The following SLAMF7 variants were observed in gnomAD, a reference collection of about 807,000 sequenced individuals.
SLAMF7 encodes the protein SLAM family member 7, also known as 19A24 protein.
In SLAMF7, 26 loss-of-function variants were observed where a neutral mutation model predicts 34.1. The observed-to-expected ratio is 0.76, with a 90% CI of 0.56 to 1.06. The LOEUF (loss-of-function observed/expected upper bound fraction) is 1.06. Among genes scored for constraint, SLAMF7 ranks in the 50% least tolerant of loss-of-function variants. The probability of loss-of-function intolerance (pLI) is 0.00; values close to 1 mark genes in which losing one functional copy is unlikely to be tolerated. For synonymous variants in SLAMF7, 171 were observed against 156.4 expected (o/e 1.09, Z -0.70); for missense variants, 399 against 402.5 (o/e 0.99, Z 0.07).
chr1:160,742,516 C>T (rs537207821), intron 1 of SLAMF7, among the ~76,000 whole-genome samples: 12 of 152,332 alleles, frequency 7.9e-5, no homozygotes, highest in African/African-American at 2.9e-4. Flanking sequence ...GACTCTCATG[C>T]TCTCATTTCC....
chr1:160,750,119 G>C lies in SLAMF7; in HGVS notation c.649+26G>C, dbSNP rs777815560. 8 of 1,608,998 alleles carry C rather than the reference G, an allele frequency of 5.0e-6. No individual in the cohort carries two copies. The South Asian group carries it at 8.8e-5, about 18-fold the overall frequency. On this transcript the variant is annotated intron_variant, in intron 3 of 6. Coordinates refer to ENST00000368043, the MANE Select transcript of SLAMF7 (RefSeq NM_021181.5). ...GTGACTGCCTCTCCCCTCTCCACAGGAGACTCTGCCCAGGTCCTACACCTT... is the reference window on the plus strand; with the variant it reads ...GTGACTGCCTCTCCCCTCTCCACAGCAGACTCTGCCCAGGTCCTACACCTT...
intron 1 of SLAMF7, among the ~76,000 whole-genome samples, chr1:160,741,709 C>T (rs12022775): frequency 0.12 from 17,521 of 152,202 alleles, 1,241 homozygotes; most frequent in African/African-American, 0.19. Flanking sequence ...AAACCTCCTC[C>T]TGAGCTCCCA....
chr1:160,748,251 C>A lies in SLAMF7; in HGVS notation c.113C>A (p.Thr38Asn), dbSNP rs770711601. The change falls in exon 2 of 7, where the codon ACT becomes AAT. Residue 38 changes from threonine (T) to asparagine (N), a missense_variant. Transcript: ENST00000368043. ...GTCGGTTCCGTTGGTGGGGCCGTGA[C>A]TTTCCCCCTGAAGTCCAAAGTAAAG... is the stretch of plus-strand genomic sequence containing the variant. ...ELVGSVGGAV[T>N]FPLKSKVKQV... 6.2e-7 allele frequency: 1 copy of A among 1,613,982 alleles called. No homozygotes were observed. The highest frequency in any genetic ancestry group is 1.3e-5 in the African/African-American group (1 of 74,902).
chr1:160,749,970 A>C lies in SLAMF7; in HGVS notation c.526A>C (p.Asn176His). The C allele has an allele frequency of 6.2e-7, 1 of 1,614,104 alleles. No homozygotes were observed. Among genetic ancestry groups the C allele is most frequent in the Non-Finnish European group, 8.5e-7 (1 of 1,179,960 alleles). ...ALGQAANESH[N>H]GSILPISWRW... ...GGGGCAAGCAGCCAATGAGTCCCAT[A>C]ATGGGTCCATCCTCCCCATCTCCTG... The change falls in exon 3 of 7, where the codon AAT (asparagine) becomes CAT (histidine). Residue 176 changes from asparagine (N) to histidine (H), a missense_variant. Physicochemically the swap from Asn to His is moderately conservative, Grantham distance 68. Transcript: ENST00000368043.
At chr1:160,741,524 A>G (rs1040308435) in intron 1 of SLAMF7, among the ~76,000 whole-genome samples, 2 of 152,172 alleles carry the variant, frequency 1.3e-5, no homozygotes, top group African/African-American at 4.8e-5. Flanking sequence ...GACTTGAGTA[A>G]AGTGCAATAG....
chr1:160,744,800 C>G (rs1179995409), intron 1 of SLAMF7, among the ~76,000 whole-genome samples: 2 of 152,136 alleles, frequency 1.3e-5, no homozygotes, highest in African/African-American at 4.8e-5. Flanking sequence ...TAAGATTCAC[C>G]CCTTTCATCT....
chr1:160,741,662 G>A (rs1222176129), intron 1 of SLAMF7, among the ~76,000 whole-genome samples: 1 of 152,020 alleles, frequency 6.6e-6, no homozygotes, highest in Non-Finnish European at 1.5e-5. Flanking sequence ...CCTAACGGAA[G>A]CAAGTCCCAT....
intron 1 of SLAMF7, among the ~76,000 whole-genome samples, chr1:160,747,829 T>C (rs183246445): frequency 2.6e-4 from 39 of 152,356 alleles, no homozygotes; most frequent in Non-Finnish European, 4.8e-4. Context: ...TAAGATGACT[T>C]ACTCCCCACA....
At chr1:160,749,208 T>G (rs972418399) in intron 2 of SLAMF7, among the ~76,000 whole-genome samples, 1 of 152,222 alleles carries the variant, frequency 6.6e-6, no homozygotes, top group Admixed American at 6.5e-5. Context: ...ACAGAAGATA[T>G]GTATTCTGCA....
chr1:160,753,008 A>G, intron 6 of SLAMF7, 98 bp from the exon 7 acceptor site: 1 of 1,138,262 alleles, frequency 8.8e-7, no homozygotes. Flanking sequence ...TGGGTTGGGT[A>G]ACCTTGGAAA....
chr1:160,739,470 C>A, intron 1 of SLAMF7, 114 bp downstream of exon 1: 2 of 843,460 alleles, frequency 2.4e-6, no homozygotes, highest in Non-Finnish European at 3.8e-6. Context: ...GTGTTCTCAT[C>A]TAACATTTGC....
Position 160,753,425 on chromosome 1 carries a change from GT to G in SLAMF7, c.*249del. The G allele has an allele frequency of 1.9e-6, 1 of 513,546 alleles. No homozygotes were observed. The highest frequency in any genetic ancestry group is 3.5e-6 in the Non-Finnish European group (1 of 288,832). The allele number at this position is 513,546 out of a possible 1,614,324, so 31.8% of individuals were successfully genotyped here. A position where few individuals can be genotyped will look rare whatever the true frequency, so the allele number is the denominator to read the frequency against. Reference sequence around the variant, plus strand: ...TCATCCCAAAAATGGGATTGTGAATGTCAGCAAACCATAAAAAAAGTGCTTA... The same window carrying G: ...TCATCCCAAAAATGGGATTGTGAATGCAGCAAACCATAAAAAAAGTGCTTA... On this transcript the variant is annotated 3_prime_UTR_variant, in exon 7 of 7. Transcript: ENST00000368043.
intron 1 of SLAMF7, among the ~76,000 whole-genome samples, chr1:160,745,962 A>G (rs1351435298): frequency 6.6e-6 from 1 of 152,184 alleles, no homozygotes; most frequent in African/African-American, 2.4e-5. Context: ...TAATGAAGCA[A>G]TTTTTGATAT....
rs773008762 is a variant in SLAMF7 at position 160,749,926 on chromosome 1, T to C, written c.482T>C (p.Ile161Thr). Residue 161 changes from isoleucine (I) to threonine (T), a missense_variant, in exon 3 of 7, where the codon ATT becomes ACT. Coordinates refer to ENST00000368043, the MANE Select transcript of SLAMF7 (RefSeq NM_021181.5). The stretch of plus-strand genomic sequence containing the variant: ...ATGGAACATGGGGAAGAGGATGTGA[T>C]TTATACCTGGAAGGCCCTGGGGCAA... ...CCMEHGEEDV[I>T]YTWKALGQAA... is the part of the protein sequence containing the mutation. 52 of 1,613,986 alleles carry C rather than the reference T, an allele frequency of 3.2e-5. No individual in the cohort carries two copies. The highest frequency in any genetic ancestry group is 4.0e-5 in the Non-Finnish European group (47 of 1,179,972).
Position 160,748,224 on chromosome 1 carries a change from T to A in SLAMF7, c.86T>A (p.Leu29Gln), listed in dbSNP as rs1273024532. The A allele has an allele frequency of 2.5e-6, 4 of 1,613,942 alleles. No individual in the cohort carries two copies. Among genetic ancestry groups the A allele is most frequent in the Non-Finnish European group, 3.4e-6 (4 of 1,179,962 alleles). The stretch of plus-strand genomic sequence containing the variant: ...GCAGCCTCTGGACCCGTGAAAGAGC[T>A]GGTCGGTTCCGTTGGTGGGGCCGTG... ...GSAASGPVKE[L>Q]VGSVGGAVTF... The change falls in exon 2 of 7, where the codon CTG (leucine) becomes CAG (glutamine). Residue 29 changes from leucine (L) to glutamine (Q), a missense_variant. Physicochemically the swap from Leu to Gln is moderately radical, Grantham distance 113. Transcript: ENST00000368043.
At chr1:160,740,817 T>C (rs998366438) in intron 1 of SLAMF7, among the ~76,000 whole-genome samples, 3 of 152,238 alleles carry the variant, frequency 2.0e-5, no homozygotes, top group Non-Finnish European at 4.4e-5. Context: ...GATATCATTA[T>C]CCCTGTTTTA....
chr1:160,750,246 G>C, intron 3 of SLAMF7, 58 bp from the exon 4 acceptor site: 2 of 1,598,058 alleles, frequency 1.3e-6, no homozygotes, highest in Non-Finnish European at 1.7e-6. Context: ...CCAAGACCTG[G>C]GTCGTTTTCC....
intron 6 of SLAMF7, among the ~76,000 whole-genome samples, chr1:160,752,543 G>A (rs1024663811): frequency 1.8e-4 from 28 of 152,170 alleles, no homozygotes; most frequent in Admixed American, 2.6e-4. Context: ...CAAGGAAAAA[G>A]ACCATGGCTT....
Position 160,753,381 on chromosome 1 carries a change from C to T in SLAMF7, c.*204C>T. ...TCCACTGCTGAGAAATCTCCTCAAA[C>T]CCAGAAGGTTTAATCACTTCATCCC... On this transcript the variant is annotated 3_prime_UTR_variant, in exon 7 of 7. Transcript: ENST00000368043. The T allele has an allele frequency of 1.7e-6, 1 of 571,606 alleles. No homozygotes were observed. Among genetic ancestry groups the T allele is most frequent in the Admixed American group, 3.1e-5 (1 of 31,962 alleles). The allele number at this position is 571,606 out of a possible 1,614,324, so 35.4% of individuals were successfully genotyped here.
Sources: allele counts gnomAD v4.1 joint callset (sites outside exome capture counted in the v4.1 genomes callset), GRCh38; gene constraint gnomAD v4.1.1; transcripts MANE v1.5; gene names NCBI Gene and HGNC (gene_info 2026-07-23, HGNC 2026-07-21).